Variants in MTCL2 observed in about 807,000 individuals in gnomAD.
The protein encoded by MTCL2 is microtubule crosslinking factor 2.
the MTCL2 span, chr20:36,816,377 T>C: frequency 1.5e-6 from 2 of 1,343,928 alleles, no homozygotes; most frequent in African/African-American, 1.5e-5. Flanking sequence ...CCATGGCATT[T>C]TGGGGAGCAC....
chr20:36,859,622 G>A, the MTCL2 span: 2 of 1,231,582 alleles, frequency 1.6e-6, no homozygotes, highest in Middle Eastern at 3.1e-4. Flanking sequence ...AGAGTTGCCC[G>A]ATTTATGCTT....
the MTCL2 span, chr20:36,778,074 G>A: frequency 1.2e-5 from 5 of 423,528 alleles, no homozygotes; most frequent in African/African-American, 8.3e-5. Flanking sequence ...CATCCACACA[G>A]CCTTTTGTAA....
At chr20:36,848,441 A>G in the MTCL2 span, among the ~76,000 whole-genome samples, 2 of 152,206 alleles carry the variant, frequency 1.3e-5, no homozygotes, top group Admixed American at 1.3e-4. Context: ...ACAGCCAAAC[A>G]TGAGCTCACA....
At chr20:36,839,190 A>C in the MTCL2 span, 1 of 1,572,818 alleles carries the variant, frequency 6.4e-7, no homozygotes, top group Non-Finnish European at 8.6e-7. The surrounding 1 kb of genome is among the most constrained non-coding windows in gnomAD (Gnocchi z 5.1). Context: ...CCATCCCAGC[A>C]ACAAGGGCAC....
At chr20:36,829,046 G>A in the MTCL2 span, 1 of 1,542,184 alleles carries the variant, frequency 6.5e-7, no homozygotes, top group South Asian at 1.2e-5. Context: ...GATGCATGAG[G>A]TCCTCACCTC....
At chr20:36,822,433 C>T in the MTCL2 span, among the ~76,000 whole-genome samples, 21 of 152,392 alleles carry the variant, frequency 1.4e-4, no homozygotes, top group African/African-American at 4.8e-4. Flanking sequence ...TCGCCAGCAA[C>T]TCACAAGGCC....
At chr20:36,830,778 A>C in the MTCL2 span, among the ~76,000 whole-genome samples, 4 of 152,356 alleles carry the variant, frequency 2.6e-5, no homozygotes, top group South Asian at 8.3e-4. Flanking sequence ...CAGGCCCGAC[A>C]GGATAACTGA....
chr20:36,795,508 T>C, the MTCL2 span, among the ~76,000 whole-genome samples: 1 of 152,032 alleles, frequency 6.6e-6, no homozygotes, highest in Non-Finnish European at 1.5e-5. Context: ...GTCCTACACA[T>C]AGAAGAAGCT....
At chr20:36,797,410 G>A in the MTCL2 span, 1 of 1,324,752 alleles carries the variant, frequency 7.5e-7, no homozygotes, top group Non-Finnish European at 1.1e-6. Flanking sequence ...TATGAGACAG[G>A]GTTAGCAACT....
the MTCL2 span, chr20:36,796,946 T>G: frequency 2.2e-5 from 36 of 1,613,816 alleles, no homozygotes; most frequent in Non-Finnish European, 3.0e-5. Context: ...ATCTTCTCAC[T>G]GCGTGTCTGT....
At chr20:36,812,896 C>A in the MTCL2 span, 3 of 1,571,336 alleles carry the variant, frequency 1.9e-6, no homozygotes, top group Non-Finnish European at 2.6e-6. Flanking sequence ...TGGGGAGGGG[C>A]CCGAGGGGTG....
chr20:36,862,900 C>A, the MTCL2 span: 1 of 1,257,016 alleles, frequency 8.0e-7, no homozygotes, highest in Non-Finnish European at 1.0e-6. Flanking sequence ...GCCGGGCCCC[C>A]GGCCGCGGAC....
At chr20:36,831,633 C>A in the MTCL2 span, among the ~76,000 whole-genome samples, 9 of 152,164 alleles carry the variant, frequency 5.9e-5, no homozygotes, top group African/African-American at 2.2e-4. Flanking sequence ...TCCCTCCCTG[C>A]ACTGCCACTG....
At chr20:36,777,582 C>T in the MTCL2 span, 2 of 431,802 alleles carry the variant, frequency 4.6e-6, no homozygotes, top group Admixed American at 4.4e-5. Context: ...GTTGTCCTAG[C>T]ACCCGATCCA....
the MTCL2 span, chr20:36,809,979 C>A: frequency 2.9e-5 from 47 of 1,599,326 alleles, no homozygotes; most frequent in Non-Finnish European, 4.0e-5. Context: ...GGGCACCACG[C>A]ACCTGGACCA....
At chr20:36,807,848 A>C in the MTCL2 span, among the ~76,000 whole-genome samples, 1 of 148,264 alleles carries the variant, frequency 6.7e-6, no homozygotes, top group East Asian at 2.0e-4. Flanking sequence ...AGCCTGGCCA[A>C]CATGGAGAAA....
the MTCL2 span, among the ~76,000 whole-genome samples, chr20:36,809,577 TC>T: frequency 1.3e-5 from 2 of 148,616 alleles, no homozygotes; most frequent in Non-Finnish European, 3.0e-5. Context: ...ATTCTTTCAT[TC>T]TTTTTTTTTT....
chr20:36,858,309 A>AAAACAC, the MTCL2 span, among the ~76,000 whole-genome samples: 1 of 85,886 alleles, frequency 1.2e-5, no homozygotes, highest in Non-Finnish European at 2.4e-5. Context: ...CCAAGGAGGG[A>AAAACAC]AAACACACAC....
chr20:36,788,755 C>T, the MTCL2 span, among the ~76,000 whole-genome samples: 2 of 151,918 alleles, frequency 1.3e-5, no homozygotes, highest in Admixed American at 1.3e-4. Flanking sequence ...CTTAACCTCT[C>T]TTGAGCTTTG....
Sources: allele counts gnomAD v4.1 joint callset (sites outside exome capture counted in the v4.1 genomes callset), GRCh38; gene constraint gnomAD v4.1.1; non-coding constraint Gnocchi (gnomAD v3.1); transcripts MANE v1.5; gene names NCBI Gene and HGNC (gene_info 2026-07-23, HGNC 2026-07-21).